The following NAMPT variants were observed in gnomAD, a reference collection of about 807,000 sequenced individuals.
NAMPT encodes the protein nicotinamide phosphoribosyltransferase, also known as NAmPRTase.
A neutral mutation model predicts 58.7 loss-of-function variants in NAMPT; 7 were observed. The ratio of observed to expected loss-of-function variants is 0.12; its 90% CI spans 0.07 to 0.22. NAMPT has a LOEUF of 0.22. NAMPT is among the 10% of genes least tolerant of loss of function. NAMPT has a pLI of 1.00. For synonymous variants in NAMPT, 145 were observed against 198.1 expected (o/e 0.73, Z 2.25); for missense variants, 271 against 567.9 (o/e 0.48, Z 5.31).
chr7:106,257,905 G>GTGTGTC (rs1295376807), intron 8 of NAMPT, among the ~76,000 whole-genome samples: 2 of 151,954 alleles, frequency 1.3e-5, no homozygotes, highest in Non-Finnish European at 2.9e-5. Flanking sequence ...GTGTGTGTGT[G>GTGTGTC]TGTCTGTGTA....
chr7:106,274,213 A>C (rs1269534111), intron 3 of NAMPT, among the ~76,000 whole-genome samples: 1 of 151,872 alleles, frequency 6.6e-6, no homozygotes, highest in East Asian at 1.9e-4. Flanking sequence ...GTGTAGTGAT[A>C]GACTCACAGC....
Position 106,249,258 on chromosome 7 carries a change from C to G in NAMPT, c.*1825G>C, listed in dbSNP as rs1335052026. The G allele has an allele frequency of 6.6e-6, 1 of 152,492 alleles. No individual in the cohort carries two copies. The highest frequency in any genetic ancestry group is 2.4e-5 in the African/African-American group (1 of 41,408). The allele number at this position is 152,492 out of a possible 1,614,324, so 9.4% of individuals were successfully genotyped here. On this transcript the variant is annotated 3_prime_UTR_variant, in exon 11 of 11. Transcript: ENST00000222553. The stretch of plus-strand genomic sequence containing the variant: ...TGAATAATGCTTATTGTTCTCACTA[C>G]ATGTTTAAAGAACCATCTGAAAAAC...
In NAMPT at chr7:106,254,503, A is replaced by G; in HGVS notation, c.1091T>C (p.Ile364Thr). 6.2e-7 allele frequency: 1 copy of G among 1,613,412 alleles called. No homozygotes were observed. Among genetic ancestry groups the G allele is most frequent in the East Asian group, 2.2e-5 (1 of 44,852 alleles). The change falls in exon 9 of 11, where the codon ATT becomes ACT. Residue 364 changes from isoleucine to threonine, a missense_variant and splice_region_variant. By Grantham distance (89) the Ile-to-Thr change is moderately conservative (BLOSUM62 -1). Around this residue, in one of 4 missense-constraint regions of NAMPT, gnomAD observed 143 missense variants for 331.1 expected, o/e 0.43. Coordinates refer to ENST00000222553, the MANE Select transcript of NAMPT (RefSeq NM_005746.3). ...DGVDINTLQEIVEGMKQKMWS... is the reference protein window; with the variant it reads ...DGVDINTLQETVEGMKQKMWS... ...CATTTTTTGTTTCATGCCTTCTACAATCTAGAAGATTAAAACAAAACAAAA... is the reference window on the plus strand; with the variant it reads ...CATTTTTTGTTTCATGCCTTCTACAGTCTAGAAGATTAAAACAAAACAAAA...
chr7:106,261,102 T>G (rs1226666013), intron 8 of NAMPT, among the ~76,000 whole-genome samples: 1 of 152,200 alleles, frequency 6.6e-6, no homozygotes, highest in Admixed American at 6.5e-5. Context: ...CACAATAAAA[T>G]GAGGTACGCC....
intron 2 of NAMPT, chr7:106,276,405 C>A (rs1414960188): frequency 6.6e-6 from 1 of 152,184 alleles, no homozygotes; most frequent in African/African-American, 2.4e-5. Context: ...GTAAAACTGG[C>A]TAATATAAAA....
chr7:106,263,330 T>C (rs1363236927), intron 7 of NAMPT, 62 bp downstream of exon 7: 3 of 1,167,866 alleles, frequency 2.6e-6, no homozygotes, highest in Non-Finnish European at 2.5e-6. Context: ...AAATGAAAAG[T>C]AGTATTGATG....
At chr7:106,284,759 GC>G in intron 1 of NAMPT, 68 bp downstream of exon 1, 3 of 128,452 alleles carry the variant, frequency 2.3e-5, no homozygotes, top group Non-Finnish European at 3.5e-5. Context: ...AGCCGCCCCC[GC>G]CCCCCTGCCG....
upstream of NAMPT, chr7:106,285,007 G>A: frequency 6.9e-7 from 1 of 1,453,034 alleles, no homozygotes; most frequent in South Asian, 1.3e-5. Flanking sequence ...AGGAGGGGGA[G>A]AGGGGGAAAC....
At chr7:106,283,284 T>C (rs1792800889) in intron 1 of NAMPT, among the ~76,000 whole-genome samples, 2 of 152,122 alleles carry the variant, frequency 1.3e-5, no homozygotes, top group African/African-American at 4.8e-5. Flanking sequence ...TTAAGATAAT[T>C]CACTATTCTA....
At chr7:106,285,169 C>T, upstream of NAMPT, 1 of 1,233,940 alleles carries the variant, frequency 8.1e-7, no homozygotes, top group Non-Finnish European at 1.0e-6. Flanking sequence ...CTCCGGGGGC[C>T]GAGAAAGGGC....
intron 4 of NAMPT, 185 bp downstream of exon 4, chr7:106,272,345 C>A: frequency 2.0e-6 from 1 of 490,622 alleles, no homozygotes; most frequent in Non-Finnish European, 3.5e-6. Flanking sequence ...ACATTCTATT[C>A]TACTAGAAGA....
upstream of NAMPT, chr7:106,285,660 G>T: frequency 1.1e-6 from 1 of 943,986 alleles, no homozygotes; most frequent in Non-Finnish European, 1.3e-6. Flanking sequence ...AGGCTGAGGG[G>T]CCCCTTTCAT....
chr7:106,252,966 G>C, intron 10 of NAMPT, 51 bp downstream of exon 10: 3 of 1,569,300 alleles, frequency 1.9e-6, no homozygotes, highest in Non-Finnish European at 2.6e-6. Context: ...TTATTAATTT[G>C]GTGAGCCAAC....
chr7:106,254,266 A>C, intron 9 of NAMPT, 98 bp downstream of exon 9: 2 of 1,366,572 alleles, frequency 1.5e-6, no homozygotes, highest in Non-Finnish European at 2.1e-6. Context: ...TTAACAGTCC[A>C]CGGCCACATC....
At chr7:106,280,020 T>G (rs1466866217) in intron 1 of NAMPT, among the ~76,000 whole-genome samples, 2 of 152,118 alleles carry the variant, frequency 1.3e-5, no homozygotes, top group African/African-American at 4.8e-5. Context: ...ATGTAAGGCT[T>G]ACAGACTACC....
At chr7:106,265,539 C>T (rs1168418792) in intron 6 of NAMPT, among the ~76,000 whole-genome samples, 1 of 135,146 alleles carries the variant, frequency 7.4e-6, no homozygotes, top group Non-Finnish European at 1.5e-5. Context: ...TCTTCTGTAA[C>T]ATACCTTGTG....
chr7:106,267,281 G>A (rs73720631), intron 6 of NAMPT, among the ~76,000 whole-genome samples: 2 of 152,136 alleles, frequency 1.3e-5, no homozygotes, highest in Non-Finnish European at 2.9e-5. Flanking sequence ...TATTACTAGT[G>A]TATTATTTTC....
intron 8 of NAMPT, 76 bp downstream of exon 8, chr7:106,261,512 T>C (rs1792300792): frequency 3.4e-6 from 4 of 1,164,834 alleles, no homozygotes; most frequent in Non-Finnish European, 4.9e-6. Context: ...TGTATTTATA[T>C]TGTGTTCTTT....
At chr7:106,285,079 G>A (rs1792846257), upstream of NAMPT, 2 of 1,350,924 alleles carry the variant, frequency 1.5e-6, no homozygotes, top group East Asian at 2.9e-5. Flanking sequence ...GCGGGTGACG[G>A]CTGCGGCGGC....
Sources: gnomAD v4.1 joint callset for allele counts (sites outside exome capture counted in the v4.1 genomes callset) on GRCh38, gnomAD v4.1.1 for gene constraint, gnomAD v4.1.1 regional missense constraint, MANE v1.5 for transcripts, NCBI Gene and HGNC (gene_info 2026-07-23, HGNC 2026-07-21) for gene names.